ITGBL1: variants seen among roughly 807,000 people sequenced by gnomAD.
ITGBL1 encodes the protein integrin subunit beta like 1, also known as integrin beta-like protein 1.
Under a neutral mutation model 68.5 loss-of-function variants are expected in ITGBL1, and 51 were observed. The ratio of observed to expected loss-of-function variants is 0.74; its 90% CI spans 0.59 to 0.94. ITGBL1 has a LOEUF of 0.94. Ranked by LOEUF, ITGBL1 falls within the 40% of genes least tolerant of loss-of-function variation. The probability of loss-of-function intolerance (pLI) is 0.00; values close to 1 mark genes in which losing one functional copy is unlikely to be tolerated. For missense variants in ITGBL1, 649 were observed against 647.4 expected (o/e 1.00, Z -0.03); for synonymous variants, 209 against 227.3 (o/e 0.92, Z 0.72).
At position 101,454,098 on chromosome 13, in the gene ITGBL1, C is replaced by T; in HGVS notation, c.314C>T (p.Ala105Val). 1 of 1,558,964 alleles carries T rather than the reference C, an allele frequency of 6.4e-7. No individual in the cohort carries two copies. The highest frequency in any genetic ancestry group is 1.2e-5 in the South Asian group (1 of 83,038). ...GAGACCTACGACGGGAGCACCTGTG[C>T]AGGTAAGAGGGCGGCGCTGTCTCCT... is the stretch of plus-strand genomic sequence containing the variant. ...VCETYDGSTC[A>V]GHGKCDCGKC... is the part of the protein sequence containing the mutation. Residue 105 changes from alanine (A) to valine (V), a missense_variant and splice_region_variant, in exon 2 of 11, where the codon GCA becomes GTA. By Grantham distance (64) the Ala-to-Val change is moderately conservative. Coordinates refer to ENST00000376180, the MANE Select transcript of ITGBL1 (RefSeq NM_004791.3).
chr13:101,714,714 A>T (rs1277786125), intron 10 of ITGBL1, 163 bp downstream of exon 10: 5 of 603,544 alleles, frequency 8.3e-6, no homozygotes, highest in Non-Finnish European at 3.0e-6. Flanking sequence ...CCCTCACAAA[A>T]GCCTCACATT....
intron 7 of ITGBL1, among the ~76,000 whole-genome samples, chr13:101,604,029 A>C (rs932700721): frequency 3.9e-5 from 6 of 151,982 alleles, no homozygotes; most frequent in African/African-American, 1.4e-4. Context: ...TATATTTTAA[A>C]ACAAAGAAAT....
At chr13:101,568,290 A>G (rs2050214402) in intron 3 of ITGBL1, among the ~76,000 whole-genome samples, 1 of 152,234 alleles carries the variant, frequency 6.6e-6, no homozygotes, top group Admixed American at 6.5e-5. Flanking sequence ...TTTGAAGGAT[A>G]CAGTCACAGA....
intron 7 of ITGBL1, among the ~76,000 whole-genome samples, chr13:101,679,408 A>G (rs576657210): frequency 6.6e-6 from 1 of 152,320 alleles, no homozygotes; most frequent in East Asian, 1.9e-4. Context: ...CCAGTATTTC[A>G]TAGGACTTAT....
intron 2 of ITGBL1, among the ~76,000 whole-genome samples, chr13:101,556,105 C>G (rs1270488106): frequency 6.6e-6 from 1 of 152,146 alleles, no homozygotes. Context: ...ATACATTTAA[C>G]AGCTCTATGG....
intron 2 of ITGBL1, among the ~76,000 whole-genome samples, chr13:101,547,361 TCTC>T (rs2049844345): frequency 6.6e-6 from 1 of 151,962 alleles, no homozygotes; most frequent in Non-Finnish European, 1.5e-5. Context: ...AATTAGTCCT[TCTC>T]CTTTTCTAAG....
intron 7 of ITGBL1, among the ~76,000 whole-genome samples, chr13:101,691,932 AT>A (rs1445127598): frequency 2.0e-5 from 3 of 152,226 alleles, no homozygotes; most frequent in African/African-American, 7.2e-5. Flanking sequence ...TCAATAAATC[AT>A]GATGAAAGTC....
intron 7 of ITGBL1, among the ~76,000 whole-genome samples, chr13:101,645,176 T>G (rs889443414): frequency 1.4e-4 from 22 of 152,292 alleles, no homozygotes; most frequent in African/African-American, 5.3e-4. Context: ...GACCAAGGCT[T>G]GCTTTGGCTT....
At chr13:101,501,100 G>A (rs1426417660) in intron 2 of ITGBL1, among the ~76,000 whole-genome samples, 1 of 152,182 alleles carries the variant, frequency 6.6e-6, no homozygotes. Context: ...GTAGAGTTTA[G>A]TTTGATGGGT....
intron 7 of ITGBL1, among the ~76,000 whole-genome samples, chr13:101,618,469 A>G (rs2031454105): frequency 6.6e-6 from 1 of 152,204 alleles, no homozygotes; most frequent in Non-Finnish European, 1.5e-5. Flanking sequence ...TAATTAAAAG[A>G]CCTTAGATGA....
chr13:101,653,160 A>G (rs1298727441), intron 7 of ITGBL1, among the ~76,000 whole-genome samples: 1 of 150,906 alleles, frequency 6.6e-6, no homozygotes, highest in Non-Finnish European at 1.5e-5. Flanking sequence ...GAGGAGGAGG[A>G]GAAACAAAGA....
downstream of ITGBL1, chr13:101,719,228 T>C (rs1169237511): frequency 1.3e-5 from 2 of 152,148 alleles, no homozygotes; most frequent in African/African-American, 4.8e-5. Context: ...CAACCAAATC[T>C]GATATTGTTC....
intron 2 of ITGBL1, among the ~76,000 whole-genome samples, chr13:101,468,422 A>T (rs1045548450): frequency 3.9e-5 from 6 of 152,218 alleles, no homozygotes; most frequent in Non-Finnish European, 7.4e-5. Context: ...ATACATATGA[A>T]TTCATTCACT....
intron 7 of ITGBL1, among the ~76,000 whole-genome samples, chr13:101,619,050 C>T (rs1208173354): frequency 1.3e-5 from 2 of 152,030 alleles, no homozygotes; most frequent in African/African-American, 4.8e-5. Context: ...ACAGTTTTCA[C>T]TAGATACAAC....
chr13:101,469,713 C>T (rs1156481835), intron 2 of ITGBL1, among the ~76,000 whole-genome samples: 1 of 151,972 alleles, frequency 6.6e-6, no homozygotes, highest in South Asian at 2.1e-4. Flanking sequence ...AAACAAAAAA[C>T]ACCACAAAAA....
intron 9 of ITGBL1, among the ~76,000 whole-genome samples, 187 bp downstream of exon 9, chr13:101,707,089 G>A (rs1055750003): frequency 4.6e-5 from 7 of 152,182 alleles, no homozygotes; most frequent in South Asian, 2.1e-4. Context: ...AATGAAATGC[G>A]TGTGAGAGGA....
At chr13:101,540,370 C>T (rs765409721) in intron 2 of ITGBL1, among the ~76,000 whole-genome samples, 26 of 151,924 alleles carry the variant, frequency 1.7e-4, no homozygotes, top group Non-Finnish European at 2.4e-4. Flanking sequence ...TGTAGATATG[C>T]GGCATTATTT....
chr13:101,472,159 C>T (rs753951847), intron 2 of ITGBL1, among the ~76,000 whole-genome samples: 11 of 152,082 alleles, frequency 7.2e-5, no homozygotes, highest in Non-Finnish European at 7.4e-5. Flanking sequence ...TGTCCCTTCA[C>T]AAAAATCCTT....
intron 7 of ITGBL1, among the ~76,000 whole-genome samples, chr13:101,655,533 G>T (rs1413534514): frequency 6.6e-6 from 1 of 152,172 alleles, no homozygotes; most frequent in Non-Finnish European, 1.5e-5. Flanking sequence ...TGAAAGAAAA[G>T]AAGTGTTGAA....
Sources: gnomAD v4.1 joint callset for allele counts (sites outside exome capture counted in the v4.1 genomes callset) on GRCh38, gnomAD v4.1.1 for gene constraint, MANE v1.5 for transcripts, NCBI Gene and HGNC (gene_info 2026-07-23, HGNC 2026-07-21) for gene names.